Variants in TRABD2B observed in about 807,000 individuals in gnomAD.
TRABD2B encodes TraB domain containing 2B.
In TRABD2B, 14 loss-of-function variants were observed where a neutral mutation model predicts 40.1. The ratio of observed to expected loss-of-function variants is 0.35; its 90% confidence interval spans 0.23 to 0.55. The LOEUF (loss-of-function observed/expected upper bound fraction) is 0.55, where lower values mean the gene tolerates loss of function less well. Ranked by LOEUF, TRABD2B falls within the 20% of genes least tolerant of loss-of-function variation. The pLI, the probability that TRABD2B is intolerant of heterozygous loss-of-function variation, is 0.90. For synonymous variants in TRABD2B, 263 were observed against 277.0 expected, an observed-to-expected ratio of 0.95 and a Z score of 0.50; for missense variants, 541 against 648.6, an observed-to-expected ratio of 0.83 and a Z score of 1.80.
In TRABD2B at chr1:47,931,582, C is replaced by T. The variant is rs560542095; in HGVS notation, c.666+62452G>A. Among the ~76,000 whole-genome samples the T allele has an allele frequency of 4.6e-5, 7 of 152,246 alleles. No individual in the cohort carries two copies. In the South Asian group the frequency reaches 8.3e-4, roughly 18 times the overall value. On this transcript the variant is annotated intron_variant, in intron 2 of 6. Coordinates refer to ENST00000606738, the MANE Select transcript of TRABD2B (RefSeq NM_001194986.2). ...ACATGCATGGGTTCCTGAGGTGCCACGTGAGAAGTTCAACTATGCTTCTGG... is the reference window on the plus strand; with the variant it reads ...ACATGCATGGGTTCCTGAGGTGCCATGTGAGAAGTTCAACTATGCTTCTGG...
intron 2 of TRABD2B, among the ~76,000 whole-genome samples, chr1:47,809,204 C>T (rs1385466464): frequency 2.0e-5 from 3 of 152,152 alleles, no homozygotes; most frequent in East Asian, 1.9e-4. Context: ...GCCCCCAAAG[C>T]ACCTGACACT....
intron 3 of TRABD2B, chr1:47,795,574 A>C: frequency 1.1e-6 from 1 of 894,886 alleles, no homozygotes; most frequent in Non-Finnish European, 1.3e-6. Flanking sequence ...AAGTTACTTA[A>C]CTTTTCCGAG....
At chr1:47,815,546 G>A (rs192204601) in intron 2 of TRABD2B, among the ~76,000 whole-genome samples, 2 of 152,294 alleles carry the variant, frequency 1.3e-5, no homozygotes, top group Admixed American at 1.3e-4. Context: ...AGGGGTCCCT[G>A]CTGGCCACCA....
chr1:47,769,010 G>A (rs960204227), intron 6 of TRABD2B, among the ~76,000 whole-genome samples: 1 of 152,172 alleles, frequency 6.6e-6, no homozygotes, highest in Non-Finnish European at 1.5e-5. Context: ...TGAGCGAAGC[G>A]TGGGTGCTTC....
intron 2 of TRABD2B, among the ~76,000 whole-genome samples, chr1:47,895,609 C>T (rs1355214585): frequency 1.3e-5 from 2 of 152,204 alleles, no homozygotes; most frequent in Non-Finnish European, 2.9e-5. Flanking sequence ...ACTTTGTCAC[C>T]CTGTCCATCA....
At chr1:47,807,654 C>G (rs1413767788) in intron 2 of TRABD2B, among the ~76,000 whole-genome samples, 4 of 151,834 alleles carry the variant, frequency 2.6e-5, no homozygotes, top group Non-Finnish European at 5.9e-5. Context: ...GTGTGTGTTT[C>G]TATCTCAAAT....
chr1:47,876,997 C>T (rs993808789), intron 2 of TRABD2B, among the ~76,000 whole-genome samples: 1 of 152,102 alleles, frequency 6.6e-6, no homozygotes. Context: ...ATTAAGCTTA[C>T]AGTCAGGTAA....
chr1:47,943,648 A>G (rs1427995716), intron 2 of TRABD2B, among the ~76,000 whole-genome samples: 1 of 152,156 alleles, frequency 6.6e-6, no homozygotes, highest in East Asian at 1.9e-4. Flanking sequence ...TGGCACCACA[A>G]GAGGAATGCA....
chr1:47,980,418 C>G (rs1426322390), intron 2 of TRABD2B, among the ~76,000 whole-genome samples: 1 of 152,202 alleles, frequency 6.6e-6, no homozygotes, highest in African/African-American at 2.4e-5. Flanking sequence ...CATTTGGTAG[C>G]ATCCATAGGA....
intron 2 of TRABD2B, among the ~76,000 whole-genome samples, chr1:47,957,265 C>T (rs1645438079): frequency 6.6e-6 from 1 of 152,192 alleles, no homozygotes; most frequent in South Asian, 2.1e-4. Flanking sequence ...GAAACCAGAG[C>T]AGAAAAGCTG....
intron 2 of TRABD2B, among the ~76,000 whole-genome samples, chr1:47,856,248 T>C (rs1334208204): frequency 6.6e-6 from 1 of 152,104 alleles, no homozygotes; most frequent in Non-Finnish European, 1.5e-5. Flanking sequence ...CACTGTGGAG[T>C]GCTTCCTGAC....
intron 2 of TRABD2B, among the ~76,000 whole-genome samples, chr1:47,984,192 T>C (rs917441787): frequency 6.6e-6 from 1 of 152,232 alleles, no homozygotes; most frequent in Non-Finnish European, 1.5e-5. Context: ...TCCTTTTATC[T>C]TTGCACCGTG....
intron 2 of TRABD2B, among the ~76,000 whole-genome samples, chr1:47,960,277 T>G (rs1186941480): frequency 1.3e-5 from 2 of 152,148 alleles, no homozygotes; most frequent in Non-Finnish European, 2.9e-5. Flanking sequence ...GGGCAAAAAC[T>G]GGAAGCATTC....
At chr1:47,911,700 T>C (rs1404856078) in intron 2 of TRABD2B, among the ~76,000 whole-genome samples, 2 of 152,220 alleles carry the variant, frequency 1.3e-5, no homozygotes, top group Non-Finnish European at 2.9e-5. Flanking sequence ...CAGGCCCTCG[T>C]CTCCTCTATC....
At chr1:47,811,054 G>A (rs566857293) in intron 2 of TRABD2B, among the ~76,000 whole-genome samples, 3 of 152,296 alleles carry the variant, frequency 2.0e-5, no homozygotes, top group African/African-American at 7.2e-5. Flanking sequence ...AGGGAGAGAG[G>A]TCATAGTGAG....
At chr1:47,959,475 G>C (rs906380718) in intron 2 of TRABD2B, among the ~76,000 whole-genome samples, 5 of 152,124 alleles carry the variant, frequency 3.3e-5, no homozygotes, top group Non-Finnish European at 7.4e-5. Context: ...GACTAATAAA[G>C]AAGAAAGGAG....
intron 2 of TRABD2B, among the ~76,000 whole-genome samples, chr1:47,840,742 C>G (rs1011854359): frequency 1.2e-4 from 18 of 152,178 alleles, no homozygotes; most frequent in African/African-American, 4.3e-4. Flanking sequence ...GAGCTTCTGC[C>G]TGAAGTGGGG....
chr1:47,802,613 G>C (rs1644837789), intron 2 of TRABD2B, among the ~76,000 whole-genome samples: 2 of 152,166 alleles, frequency 1.3e-5, no homozygotes, highest in Admixed American at 6.5e-5. Flanking sequence ...ACTGGTCCCT[G>C]CTGTTAGCCC....
chr1:47,993,450 C>T (rs1475128698), intron 2 of TRABD2B, among the ~76,000 whole-genome samples: 1 of 152,218 alleles, frequency 6.6e-6, no homozygotes, highest in Non-Finnish European at 1.5e-5. Flanking sequence ...TTAAAACTCT[C>T]CTGGCTGACT....
Sources: allele counts gnomAD v4.1 joint callset (sites outside exome capture counted in the v4.1 genomes callset), GRCh38; gene constraint gnomAD v4.1.1; transcripts MANE v1.5; gene names NCBI Gene and HGNC (gene_info 2026-07-23, HGNC 2026-07-21).